The following HSF2BP variants were observed in gnomAD, a reference collection of about 807,000 sequenced individuals.
HSF2BP encodes heat shock transcription factor 2 binding protein.
A neutral mutation model predicts 35.0 loss-of-function variants in HSF2BP; 35 were observed. That is an observed-to-expected ratio of 1.00 (90% confidence interval 0.76 to 1.32). The LOEUF (loss-of-function observed/expected upper bound fraction) is 1.32, where lower values mean the gene tolerates loss of function less well. Ranked by LOEUF, HSF2BP falls within the 40% of genes most tolerant of loss-of-function variation. The probability of loss-of-function intolerance (pLI) is 0.00; values close to 1 mark genes in which losing one functional copy is unlikely to be tolerated. For synonymous variants in HSF2BP, 114 were observed against 117.4 expected (o/e 0.97, Z 0.18); for missense variants, 326 against 321.7 (o/e 1.01, Z -0.10).
chr21:43,467,931 CCA>C, the HSF2BP span, among the ~76,000 whole-genome samples: 47 of 114,214 alleles, frequency 4.1e-4, no homozygotes, highest in East Asian at 1.5e-3. Context: ...ACACCACACA[CCA>C]CACACACACA....
At chr21:43,576,118 C>CA (rs34954288) in intron 8 of HSF2BP, among the ~76,000 whole-genome samples, 43 of 114,784 alleles carry the variant, frequency 3.7e-4, no homozygotes, top group Middle Eastern at 4.6e-3. Flanking sequence ...ATTTTGTCTC[C>CA]AAAAAAAAAA....
Position 43,604,859 on chromosome 21 carries a change from CCA to C in HSF2BP, c.692+8969_692+8970del, listed in dbSNP as rs549213785. Among the ~76,000 whole-genome samples, 20 of 135,064 alleles carry C rather than the reference CCA, an allele frequency of 1.5e-4. No homozygotes were observed. In the East Asian group the frequency reaches 3.9e-3, roughly 26 times the overall value. The allele number at this position is 135,064 out of a possible 152,430, so 88.6% of individuals were successfully genotyped here. A position where few individuals can be genotyped will look rare whatever the true frequency, so the allele number is the denominator to read the frequency against. ...ACACCACACATCACACACACCACACCCACACACCACATACACACCATACACTA... is the reference window on the plus strand; with the variant it reads ...ACACCACACATCACACACACCACACCCACACCACATACACACCATACACTA... On this transcript the variant is annotated intron_variant, in intron 7 of 8. Coordinates refer to ENST00000291560, the MANE Select transcript of HSF2BP (RefSeq NM_007031.2).
At position 43,644,343 on chromosome 21, in the gene HSF2BP, C is replaced by T; in HGVS notation, c.237G>A (p.Glu79=). The T allele has an allele frequency of 6.2e-7, 1 of 1,614,136 alleles. No homozygotes were observed. Among genetic ancestry groups the T allele is most frequent in the Non-Finnish European group, 8.5e-7 (1 of 1,179,988 alleles). ...QELEQLKMDC[E]HFKARLETVQ... ...CGGTTTCCAGGCGGGCTTTAAAGTG[C>T]TCACAATCCATTTTCAGCTGCTCTA... Residue 79 remains glutamate, a synonymous_variant, in exon 4 of 9, where the codon GAG becomes GAA. Coordinates refer to ENST00000291560, the MANE Select transcript of HSF2BP (RefSeq NM_007031.2).
chr21:43,650,494 C>T (rs186920204), intron 3 of HSF2BP, among the ~76,000 whole-genome samples: 1 of 152,134 alleles, frequency 6.6e-6, no homozygotes, highest in Non-Finnish European at 1.5e-5. Flanking sequence ...CATGAGCCAC[C>T]GTGCCCGGCC....
At chr21:43,584,832 G>A (rs2081826138) in intron 8 of HSF2BP, among the ~76,000 whole-genome samples, 1 of 152,158 alleles carries the variant, frequency 6.6e-6, no homozygotes, top group Non-Finnish European at 1.5e-5. Flanking sequence ...GCTCACCTGA[G>A]GTGGGACCGG....
At chr21:43,574,483 A>G (rs1018406820) in intron 8 of HSF2BP, among the ~76,000 whole-genome samples, 7 of 151,610 alleles carry the variant, frequency 4.6e-5, no homozygotes, top group African/African-American at 9.7e-5. Flanking sequence ...TCAGCCTCCC[A>G]AGTAGCTGGG....
At chr21:43,637,146 A>G (rs1222127065) in intron 4 of HSF2BP, among the ~76,000 whole-genome samples, 2 of 152,122 alleles carry the variant, frequency 1.3e-5, no homozygotes, top group Non-Finnish European at 2.9e-5. Context: ...AGAAAAAAAG[A>G]AAACTGGAAA....
In HSF2BP at chr21:43,613,903, T is replaced by C. The variant is rs2082239442; in HGVS notation, c.619A>G (p.Ser207Gly). 6.2e-7 allele frequency: 1 copy of C among 1,610,476 alleles called. No individual in the cohort carries two copies. The highest frequency in any genetic ancestry group is 1.3e-5 in the African/African-American group (1 of 74,808). Reference protein sequence around the residue: ...ACGREFLVNSSRVLLDTILQL... With the variant: ...ACGREFLVNSGRVLLDTILQL... ...AATATGGTGTCCAAGAGCACCCGGCTTGAATTAACCAAGAATTCACGACCA... is the reference window on the plus strand; with the variant it reads ...AATATGGTGTCCAAGAGCACCCGGCCTGAATTAACCAAGAATTCACGACCA... The change falls in exon 7 of 9, where the codon AGC becomes GGC. Residue 207 changes from serine (S) to glycine (G), a missense_variant. Coordinates refer to ENST00000291560, the MANE Select transcript of HSF2BP (RefSeq NM_007031.2).
chr21:43,590,744 C>T lies in HSF2BP; in HGVS notation c.796+1481G>A, dbSNP rs567273530. ...ATAATTATGCTGAGTGAAAGAAGCA[C>T]GGCAAAAAAGAATACAAACTATGAT... On this transcript the variant is annotated intron_variant, in intron 8 of 8. Transcript: ENST00000291560. Among the ~76,000 whole-genome samples the T allele has an allele frequency of 9.2e-4, 140 of 152,148 alleles. 1 individual carries two copies. The highest frequency in any genetic ancestry group is 1.4e-3 in the Non-Finnish European group (97 of 67,994).
intron 6 of HSF2BP, among the ~76,000 whole-genome samples, chr21:43,619,477 G>C (rs1482558846): frequency 6.6e-6 from 1 of 152,142 alleles, no homozygotes; most frequent in African/African-American, 2.4e-5. Flanking sequence ...CAATATCCCA[G>C]AACTCTAAAT....
At chr21:43,582,378 G>A (rs2081763703) in intron 8 of HSF2BP, among the ~76,000 whole-genome samples, 1 of 145,822 alleles carries the variant, frequency 6.9e-6, no homozygotes, top group Non-Finnish European at 1.5e-5. Flanking sequence ...TGGGGGATGA[G>A]GGCCTGGTGA....
chr21:43,636,420 TA>T (rs1227662257), intron 4 of HSF2BP, among the ~76,000 whole-genome samples: 14 of 152,110 alleles, frequency 9.2e-5, no homozygotes, highest in African/African-American at 3.4e-4. Flanking sequence ...CATCAAAACT[TA>T]AAAGTTCTAC....
chr21:43,657,777 G>A, intron 2 of HSF2BP: 2 of 921,010 alleles, frequency 2.2e-6, no homozygotes, highest in Non-Finnish European at 2.6e-6. Context: ...AGAAGAGAGT[G>A]ACCATCCATC....
Position 43,633,430 on chromosome 21 carries a change from A to T in HSF2BP, c.292-9T>A, listed in dbSNP as rs747735974. The T allele has an allele frequency of 6.3e-7, 1 of 1,599,354 alleles. No homozygotes were observed. The highest frequency in any genetic ancestry group is 1.8e-5 in the Admixed American group (1 of 56,018). On this transcript the variant is annotated splice_polypyrimidine_tract_variant and intron_variant, in intron 4 of 8. Transcript: ENST00000291560. Reference sequence around the variant, plus strand: ...CGAAGAGCCAGTTTCTCCTAAAAGCAAAACAAAATTGAAAAATAAATAATA... The same window carrying T: ...CGAAGAGCCAGTTTCTCCTAAAAGCTAAACAAAATTGAAAAATAAATAATA...
Position 43,613,904 on chromosome 21 carries a change from T to A in HSF2BP, c.618A>T (p.Ser206=). The change falls in exon 7 of 9, where the codon TCA becomes TCT. Residue 206 remains serine, a synonymous_variant. Coordinates refer to ENST00000291560, the MANE Select transcript of HSF2BP (RefSeq NM_007031.2). The part of the protein sequence containing the change: ...IACGREFLVN[S]SRVLLDTILQ... ...ATATGGTGTCCAAGAGCACCCGGCT[T>A]GAATTAACCAAGAATTCACGACCAC... 6.2e-7 allele frequency: 1 copy of A among 1,610,362 alleles called. No homozygotes were observed. Among genetic ancestry groups the A allele is most frequent in the South Asian group, 1.1e-5 (1 of 89,836 alleles).
intron 6 of HSF2BP, among the ~76,000 whole-genome samples, chr21:43,625,565 AC>A (rs2082380186): frequency 1.3e-5 from 2 of 152,092 alleles, no homozygotes; most frequent in Admixed American, 6.5e-5. Flanking sequence ...AAAAAAAAAA[AC>A]TAAAGAATGA....
At chr21:43,638,371 T>C (rs1260817726) in intron 4 of HSF2BP, among the ~76,000 whole-genome samples, 2 of 151,882 alleles carry the variant, frequency 1.3e-5, no homozygotes, top group South Asian at 2.1e-4. Flanking sequence ...GGCAGGAAAA[T>C]TGCCTGAACC....
At position 43,630,410 on chromosome 21, in the gene HSF2BP, C is replaced by G. The variant is rs373359025; in HGVS notation, c.486G>C (p.Glu162Asp). 2 of 1,613,472 alleles carry G rather than the reference C, an allele frequency of 1.2e-6. No individual in the cohort carries two copies. Among genetic ancestry groups the G allele is most frequent in the East Asian group, 4.5e-5 (2 of 44,836 alleles). The change falls in exon 6 of 9, where the codon GAG becomes GAC. Residue 162 changes from glutamate (E) to aspartate (D), a missense_variant. Transcript: ENST00000291560. ...CACCGTCTAACGACTTCACAAAACT[C>G]TCCATTGTTTGACCAGTGATGCTGA... ...KFFSITGQTMESFVKSLDGDV... is the reference protein window; with the variant it reads ...KFFSITGQTMDSFVKSLDGDV...
At chr21:43,638,156 AAG>A (rs573388854) in intron 4 of HSF2BP, among the ~76,000 whole-genome samples, 154 of 152,324 alleles carry the variant, frequency 1.0e-3, no homozygotes, top group African/African-American at 3.7e-3. Flanking sequence ...AGAAGTCAAA[AAG>A]AGTTCAGAAA....
Sources: gnomAD v4.1 joint callset for allele counts (sites outside exome capture counted in the v4.1 genomes callset) on GRCh38, gnomAD v4.1.1 for gene constraint, MANE v1.5 for transcripts, NCBI Gene and HGNC (gene_info 2026-07-23, HGNC 2026-07-21) for gene names.